Variants in CNTNAP5 observed in about 807,000 individuals in gnomAD.
CNTNAP5 encodes contactin associated protein family member 5.
A neutral mutation model predicts 150.2 loss-of-function variants in CNTNAP5; 72 were observed. The observed-to-expected ratio is 0.48, with a 90% CI of 0.40 to 0.58. CNTNAP5 has a LOEUF of 0.58. Ranked by LOEUF, CNTNAP5 falls within the 20% of genes least tolerant of loss-of-function variation. The pLI is 0.00. For synonymous variants in CNTNAP5, 672 were observed against 619.8 expected, an observed-to-expected ratio of 1.08 and a Z score of -1.25; for missense variants, 1,636 against 1,626.2, an observed-to-expected ratio of 1.01 and a Z score of -0.10.
At chr2:124,238,283 A>T (rs1204484559) in intron 2 of CNTNAP5, among the ~76,000 whole-genome samples, 1 of 151,672 alleles carries the variant, frequency 6.6e-6, no homozygotes, top group African/African-American at 2.4e-5. Flanking sequence ...TGGAAATGCT[A>T]CCCACTATCC....
At chr2:124,231,863 A>G (rs1686629927) in intron 2 of CNTNAP5, among the ~76,000 whole-genome samples, 1 of 152,140 alleles carries the variant, frequency 6.6e-6, no homozygotes, top group Non-Finnish European at 1.5e-5. Context: ...TAATTGCAAA[A>G]CCACATGATG....
chr2:124,488,713 T>C (rs529840782), intron 7 of CNTNAP5, among the ~76,000 whole-genome samples: 2 of 152,306 alleles, frequency 1.3e-5, no homozygotes, highest in South Asian at 2.1e-4. Context: ...TAAATATTCA[T>C]TGAAGCTTAT....
chr2:124,698,625 T>C (rs111846588), intron 13 of CNTNAP5, among the ~76,000 whole-genome samples: 1 of 152,118 alleles, frequency 6.6e-6, no homozygotes, highest in African/African-American at 2.4e-5. Flanking sequence ...CATAGTACCC[T>C]GAACTGGGGG....
intron 1 of CNTNAP5, among the ~76,000 whole-genome samples, chr2:124,207,805 G>C (rs1685899098): frequency 6.6e-6 from 1 of 152,124 alleles, no homozygotes; most frequent in Non-Finnish European, 1.5e-5. Context: ...TGAAGGGTTT[G>C]GTGAGGGAAA....
In CNTNAP5 at chr2:124,057,161, T is replaced by A. The variant is rs979344723; in HGVS notation, c.82+31429T>A. 2.0e-5 allele frequency among the ~76,000 whole-genome samples: 3 copies of A among 152,072 alleles called. No homozygotes were observed. In the South Asian group the frequency reaches 6.2e-4, roughly 32 times the overall value. The stretch of plus-strand genomic sequence containing the variant: ...TTTTGGGCTCAGTTCTTTACCCAAT[T>A]AAGCCCATTCATTTTCCTGTGCACC... On this transcript the variant is annotated intron_variant, in intron 1 of 23. Coordinates refer to ENST00000682447, the MANE Select transcript of CNTNAP5 (RefSeq NM_001367498.1).
intron 13 of CNTNAP5, among the ~76,000 whole-genome samples, chr2:124,683,244 C>T (rs1007875301): frequency 1.3e-5 from 2 of 152,038 alleles, no homozygotes; most frequent in African/African-American, 4.8e-5. Flanking sequence ...GCTTTGTTGG[C>T]CCATTGCTGG....
chr2:124,758,436 T>C lies in CNTNAP5; in HGVS notation c.2235-5236T>C, dbSNP rs146758037. ...ATAAATATATATTCATGAAGGAACA[T>C]GTGTGTGTGTGTCTGTGTGTCTGTG... is the stretch of plus-strand genomic sequence containing the variant. On this transcript the variant is annotated intron_variant, in intron 14 of 23. Transcript: ENST00000682447. Among the ~76,000 whole-genome samples, 102 of 151,790 alleles carry C rather than the reference T, an allele frequency of 6.7e-4. No individual in the cohort carries two copies. In the East Asian group the frequency reaches 0.019, roughly 28 times the overall value.
chr2:124,375,308 A>G (rs1416684936), intron 3 of CNTNAP5, among the ~76,000 whole-genome samples: 1 of 152,166 alleles, frequency 6.6e-6, no homozygotes, highest in Non-Finnish European at 1.5e-5. Context: ...CCCCAGCATA[A>G]CTGGTAAGAT....
At chr2:124,750,983 A>AG (rs1491188144) in intron 14 of CNTNAP5, among the ~76,000 whole-genome samples, 2 of 44,644 alleles carry the variant, frequency 4.5e-5, no homozygotes, top group Non-Finnish European at 6.6e-5. Flanking sequence ...ACTCCATCTC[A>AG]AAAAAAAAAA....
chr2:124,237,608 G>T (rs114034701), intron 2 of CNTNAP5, among the ~76,000 whole-genome samples: 2,300 of 152,156 alleles, frequency 0.015, 72 homozygotes, highest in African/African-American at 0.053. Flanking sequence ...CTGAGATGGG[G>T]GGTGGATCAC....
intron 13 of CNTNAP5, among the ~76,000 whole-genome samples, chr2:124,674,507 TTC>T (rs56758296): frequency 0.015 from 961 of 65,576 alleles, 11 homozygotes; most frequent in African/African-American, 0.032. Context: ...CTTTCTTTCT[TTC>T]TCTTTCTTTC....
intron 1 of CNTNAP5, among the ~76,000 whole-genome samples, chr2:124,099,831 A>T (rs1187700444): frequency 4.6e-5 from 7 of 152,072 alleles, no homozygotes; most frequent in Non-Finnish European, 8.8e-5. Flanking sequence ...CAAAAACCAG[A>T]TCTCATGAAA....
intron 11 of CNTNAP5, among the ~76,000 whole-genome samples, chr2:124,571,429 T>G (rs569854122): frequency 2.4e-4 from 36 of 151,726 alleles, no homozygotes; most frequent in African/African-American, 8.7e-4. Context: ...CTACGGAAAG[T>G]GTAACCTAGG....
intron 14 of CNTNAP5, among the ~76,000 whole-genome samples, chr2:124,758,381 A>T (rs1680885673): frequency 6.6e-6 from 1 of 152,112 alleles, no homozygotes; most frequent in South Asian, 2.1e-4. Context: ...GCCTGATGAC[A>T]TCCAAGGGAA....
intron 17 of CNTNAP5, among the ~76,000 whole-genome samples, chr2:124,780,484 T>A (rs1681427580): frequency 6.6e-6 from 1 of 152,196 alleles, no homozygotes; most frequent in South Asian, 2.1e-4. Context: ...TGAATGCAGG[T>A]CCTTATAAAG....
At chr2:124,693,929 C>T (rs535570416) in intron 13 of CNTNAP5, among the ~76,000 whole-genome samples, 3 of 151,670 alleles carry the variant, frequency 2.0e-5, no homozygotes, top group Middle Eastern at 3.4e-3. Flanking sequence ...GGGCAGTGAG[C>T]TTTGAATGTC....
intron 4 of CNTNAP5, among the ~76,000 whole-genome samples, chr2:124,422,530 A>G (rs1692131084): frequency 6.6e-6 from 1 of 152,166 alleles, no homozygotes; most frequent in South Asian, 2.1e-4. Context: ...GCTTCCCCTG[A>G]CTCGACAAGA....
At chr2:124,418,857 G>A (rs562463391) in intron 4 of CNTNAP5, among the ~76,000 whole-genome samples, 14 of 152,210 alleles carry the variant, frequency 9.2e-5, no homozygotes, top group African/African-American at 2.2e-4. Flanking sequence ...AGTATGGGCC[G>A]GGCGCGGTGG....
chr2:124,708,861 A>C (rs1215499720), intron 13 of CNTNAP5, among the ~76,000 whole-genome samples: 1 of 152,122 alleles, frequency 6.6e-6, no homozygotes, highest in Non-Finnish European at 1.5e-5. Flanking sequence ...TGTCCATGCT[A>C]TCTTTGGTGA....
Sources: gnomAD v4.1 joint callset for allele counts (sites outside exome capture counted in the v4.1 genomes callset) on GRCh38, gnomAD v4.1.1 for gene constraint, MANE v1.5 for transcripts, NCBI Gene and HGNC (gene_info 2026-07-23, HGNC 2026-07-21) for gene names.